Variants in CNTN4 observed in about 807,000 individuals in gnomAD.
CNTN4 encodes contactin 4, also known as contactin-4.
Under a neutral mutation model 122.5 loss-of-function variants are expected in CNTN4, and 77 were observed. The ratio of observed to expected loss-of-function variants is 0.63; its 90% CI spans 0.52 to 0.76. CNTN4 has a LOEUF of 0.76. CNTN4 is among the 30% of genes least tolerant of loss of function. The probability of loss-of-function intolerance (pLI) is 0.00; values close to 1 mark genes in which losing one functional copy is unlikely to be tolerated. For missense variants in CNTN4, 1,256 were observed against 1,259.1 expected (o/e 1.00, Z 0.04); for synonymous variants, 512 against 447.0 (o/e 1.15, Z -1.83).
chr3:2,498,696 G>C (rs2076516948), intron 3 of CNTN4, among the ~76,000 whole-genome samples: 1 of 152,080 alleles, frequency 6.6e-6, no homozygotes, highest in South Asian at 2.1e-4. Flanking sequence ...TTCTCAGGCT[G>C]ATACTGAACT....
chr3:3,040,368 A>G (rs1700042203), intron 20 of CNTN4, 97 bp downstream of exon 20: 1 of 897,252 alleles, frequency 1.1e-6, no homozygotes, highest in Non-Finnish European at 1.8e-6. Context: ...TGGTACATGT[A>G]TCTTGAAGGC....
chr3:2,430,286 G>A (rs1276325485), intron 3 of CNTN4, among the ~76,000 whole-genome samples: 2 of 151,900 alleles, frequency 1.3e-5, no homozygotes, highest in African/African-American at 2.4e-5. Flanking sequence ...GCCGGGCGTG[G>A]TGGCGGGCGC....
At chr3:2,246,023 T>C (rs2040131639) in intron 2 of CNTN4, among the ~76,000 whole-genome samples, 1 of 152,022 alleles carries the variant, frequency 6.6e-6, no homozygotes, top group Non-Finnish European at 1.5e-5. Flanking sequence ...CACTGTCAGA[T>C]GCTCTTAGAT....
intron 3 of CNTN4, among the ~76,000 whole-genome samples, chr3:2,521,972 C>T (rs1355762609): frequency 1.3e-5 from 2 of 151,914 alleles, no homozygotes; most frequent in Non-Finnish European, 2.9e-5. Flanking sequence ...CCCGTGTGAT[C>T]CTAAAAAAAG....
At chr3:2,949,938 T>C (rs1353161374) in intron 13 of CNTN4, among the ~76,000 whole-genome samples, 1 of 152,218 alleles carries the variant, frequency 6.6e-6, no homozygotes, top group Non-Finnish European at 1.5e-5. Context: ...TTCATCTTAG[T>C]GGTTAAAAAT....
At chr3:2,678,396 C>T (rs1420601077) in intron 4 of CNTN4, among the ~76,000 whole-genome samples, 1 of 152,096 alleles carries the variant, frequency 6.6e-6, no homozygotes, top group Admixed American at 6.6e-5. Context: ...ATATATTATA[C>T]ATGTTCGACT....
At chr3:2,258,781 AT>A (rs1251405090) in intron 2 of CNTN4, among the ~76,000 whole-genome samples, 3 of 151,848 alleles carry the variant, frequency 2.0e-5, no homozygotes, top group African/African-American at 4.8e-5. Flanking sequence ...ACCTTTTTAT[AT>A]TTTTTTATTA....
chr3:2,315,620 G>A (rs531742062), intron 2 of CNTN4, among the ~76,000 whole-genome samples: 2 of 152,014 alleles, frequency 1.3e-5, no homozygotes, highest in East Asian at 3.9e-4. Flanking sequence ...TGGAGAATAT[G>A]TTGAGACACC....
intron 3 of CNTN4, among the ~76,000 whole-genome samples, chr3:2,509,673 G>A (rs1354875677): frequency 2.0e-5 from 3 of 152,248 alleles, no homozygotes; most frequent in African/African-American, 4.8e-5. Context: ...AAGGCATCAC[G>A]AAAGTGTTGA....
intron 4 of CNTN4, among the ~76,000 whole-genome samples, chr3:2,595,148 T>G (rs1254605651): frequency 6.6e-6 from 1 of 152,240 alleles, no homozygotes; most frequent in East Asian, 1.9e-4. Context: ...TCCATTGACA[T>G]GCTTTTATTA....
At chr3:2,913,820 A>G (rs1354878799) in intron 12 of CNTN4, among the ~76,000 whole-genome samples, 2 of 152,224 alleles carry the variant, frequency 1.3e-5, no homozygotes, top group East Asian at 1.9e-4. Flanking sequence ...TAACAAGCAT[A>G]TAAAGAACAC....
chr3:2,607,252 T>C (rs2081295442), intron 4 of CNTN4, among the ~76,000 whole-genome samples: 2 of 152,172 alleles, frequency 1.3e-5, no homozygotes, highest in South Asian at 4.1e-4. Context: ...TGAAGTTGAA[T>C]ATGTGCTACC....
chr3:2,119,519 G>C (rs977079121), intron 2 of CNTN4, among the ~76,000 whole-genome samples: 1 of 152,170 alleles, frequency 6.6e-6, no homozygotes, highest in African/African-American at 2.4e-5. Flanking sequence ...CAACACTATT[G>C]ATGTTTCCCC....
intron 3 of CNTN4, among the ~76,000 whole-genome samples, chr3:2,398,134 C>A (rs2046707537): frequency 6.6e-6 from 1 of 151,902 alleles, no homozygotes; most frequent in Admixed American, 6.6e-5. Flanking sequence ...GCCTGAGAGG[C>A]AAAGGTGTGA....
chr3:2,787,247 G>T (rs991188638), intron 6 of CNTN4, among the ~76,000 whole-genome samples: 3 of 152,186 alleles, frequency 2.0e-5, no homozygotes, highest in Admixed American at 6.5e-5. Context: ...GTGGTGGCGG[G>T]CGCCTGTAGT....
chr3:2,218,168 C>A (rs928481237), intron 2 of CNTN4, among the ~76,000 whole-genome samples: 5 of 152,046 alleles, frequency 3.3e-5, no homozygotes, highest in African/African-American at 9.7e-5. Context: ...GAGACAATAA[C>A]GGCTTTTTAT....
At chr3:2,347,410 CTTTTTT>C (rs10664705) in intron 3 of CNTN4, among the ~76,000 whole-genome samples, 1 of 113,162 alleles carries the variant, frequency 8.8e-6, no homozygotes, top group South Asian at 2.8e-4. Flanking sequence ...GAAATACAAT[CTTTTTT>C]TTTTTTTTTT....
chr3:2,809,766 T>C (rs982514079), intron 6 of CNTN4, among the ~76,000 whole-genome samples: 3 of 152,192 alleles, frequency 2.0e-5, no homozygotes, highest in South Asian at 2.1e-4. Context: ...ATCTCACTAA[T>C]TGTAGTAACC....
intron 2 of CNTN4, among the ~76,000 whole-genome samples, chr3:2,193,531 G>C (rs73807016): frequency 4.1e-4 from 63 of 152,308 alleles, no homozygotes; most frequent in African/African-American, 1.5e-3. Context: ...TGTGGCCATA[G>C]ACTGGATCTT....
Sources: allele counts gnomAD v4.1 joint callset (sites outside exome capture counted in the v4.1 genomes callset), GRCh38; gene constraint gnomAD v4.1.1; transcripts MANE v1.5; gene names NCBI Gene and HGNC (gene_info 2026-07-23, HGNC 2026-07-21).